The following SBF2 variants were observed in gnomAD, a reference collection of about 807,000 sequenced individuals.
SBF2 encodes the protein myotubularin-related protein 13.
In SBF2, 112 loss-of-function variants were observed where a neutral mutation model predicts 225.2. The observed-to-expected ratio is 0.50, with a 90% CI of 0.43 to 0.58. SBF2 has a LOEUF of 0.58. Among genes scored for constraint, SBF2 ranks in the 20% least tolerant of loss-of-function variants. The pLI is 0.00. For missense variants in SBF2, 1,996 were observed against 2,206.2 expected (o/e 0.90, Z 1.91); for synonymous variants, 763 against 773.3 (o/e 0.99, Z 0.22).
intron 16 of SBF2, among the ~76,000 whole-genome samples, chr11:9,940,849 A>T (rs992572154): frequency 5.3e-5 from 8 of 152,186 alleles, no homozygotes; most frequent in Non-Finnish European, 8.8e-5. Context: ...GAAATTAATT[A>T]GACAGAAAGC....
chr11:9,955,937 T>C (rs1866137314), intron 16 of SBF2, among the ~76,000 whole-genome samples: 1 of 152,140 alleles, frequency 6.6e-6, no homozygotes, highest in Admixed American at 6.5e-5. Context: ...GTATATAACA[T>C]GCACTTGAAT....
At chr11:9,882,436 A>G (rs1859847717) in intron 17 of SBF2, among the ~76,000 whole-genome samples, 1 of 152,210 alleles carries the variant, frequency 6.6e-6, no homozygotes, top group Admixed American at 6.5e-5. Context: ...GATATCTGTA[A>G]TATGTAATTT....
At chr11:10,299,867 ATG>A (rs1964578859) in intron 1 of SBF2, among the ~76,000 whole-genome samples, 1 of 152,354 alleles carries the variant, frequency 6.6e-6, no homozygotes, top group East Asian at 1.9e-4. Flanking sequence ...ATATCAGATC[ATG>A]TCTCTCCTGT....
chr11:10,195,656 T>C (rs1324717659), intron 1 of SBF2, among the ~76,000 whole-genome samples: 1 of 152,152 alleles, frequency 6.6e-6, no homozygotes, highest in African/African-American at 2.4e-5. Context: ...TAAACTGCAA[T>C]CAATTTACGG....
intron 1 of SBF2, among the ~76,000 whole-genome samples, chr11:10,228,595 T>C (rs1238152940): frequency 6.6e-6 from 1 of 152,212 alleles, no homozygotes; most frequent in Non-Finnish European, 1.5e-5. Flanking sequence ...TTTTTGTCTT[T>C]GGTTCTGTTT....
rs1274021187 is a variant in SBF2 at position 9,840,217 on chromosome 11, G to A, written c.3257-521C>T. 2.0e-5 allele frequency among the ~76,000 whole-genome samples: 3 copies of A among 148,692 alleles called. No individual in the cohort carries two copies. The South Asian group carries it at 6.4e-4, about 31-fold the overall frequency. On this transcript the variant is annotated intron_variant, in intron 25 of 39. Coordinates refer to ENST00000256190, the MANE Select transcript of SBF2 (RefSeq NM_030962.4). ...CCACTGCACTCCAGCCTGGGCAACC[G>A]AGCGAGACTTTGTCTCAAACCCCGC...
chr11:10,054,416 A>G (rs1227847866), intron 2 of SBF2, among the ~76,000 whole-genome samples: 1 of 152,236 alleles, frequency 6.6e-6, no homozygotes, highest in Non-Finnish European at 1.5e-5. Flanking sequence ...TATGTTCTCA[A>G]AGACAAAGGA....
chr11:10,048,063 C>T (rs1030471247), intron 2 of SBF2, among the ~76,000 whole-genome samples: 2 of 152,030 alleles, frequency 1.3e-5, no homozygotes, highest in Non-Finnish European at 2.9e-5. Context: ...AAAGAAAAGC[C>T]GACATCATTA....
intron 16 of SBF2, among the ~76,000 whole-genome samples, chr11:9,924,301 T>G (rs556335031): frequency 6.6e-6 from 1 of 152,232 alleles, no homozygotes; most frequent in South Asian, 2.1e-4. Flanking sequence ...CACTTTATTA[T>G]AAAATAGGCT....
At chr11:9,877,256 T>C (rs990063474) in intron 17 of SBF2, among the ~76,000 whole-genome samples, 4 of 152,180 alleles carry the variant, frequency 2.6e-5, no homozygotes, top group Non-Finnish European at 5.9e-5. Flanking sequence ...AATAATACTC[T>C]ACCGTTTTAT....
At chr11:10,036,125 G>A (rs1388127076) in intron 3 of SBF2, among the ~76,000 whole-genome samples, 1 of 152,156 alleles carries the variant, frequency 6.6e-6, no homozygotes, top group Non-Finnish European at 1.5e-5. Context: ...CATGGATGAA[G>A]CTGGAAACCA....
At position 9,820,645 on chromosome 11, in the gene SBF2, T is replaced by C. The variant is rs574163083; in HGVS notation, c.3794-3621A>G. 5.0e-4 allele frequency among the ~76,000 whole-genome samples: 76 copies of C among 152,292 alleles called. 1 individual carries two copies. Among genetic ancestry groups the C allele is most frequent in the African/African-American group, 1.6e-3 (68 of 41,574 alleles). On this transcript the variant is annotated intron_variant, in intron 28 of 39. Coordinates refer to ENST00000256190, the MANE Select transcript of SBF2 (RefSeq NM_030962.4). ...ACCTGACACATTCCTACTTAACCCT[T>C]AAGATCCAGATACAATATTAGCACC...
chr11:10,088,133 C>T (rs1951648203), intron 2 of SBF2, among the ~76,000 whole-genome samples: 1 of 151,980 alleles, frequency 6.6e-6, no homozygotes, highest in Non-Finnish European at 1.5e-5. Flanking sequence ...AGGTGATCCT[C>T]CCACCTCAGC....
chr11:10,034,053 A>C lies in SBF2; in HGVS notation c.280-2883T>G, dbSNP rs144878264. Among the ~76,000 whole-genome samples, 104 of 152,352 alleles carry C rather than the reference A, an allele frequency of 6.8e-4. 1 individual carries two copies. The highest frequency in any genetic ancestry group is 2.1e-3 in the African/African-American group (88 of 41,586). ...AATATTTTAAAGGCTTTGCCAACTT[A>C]AGATTATTTCTTCTCATTAAATTGG... On this transcript the variant is annotated intron_variant, in intron 3 of 39. Coordinates refer to ENST00000256190, the MANE Select transcript of SBF2 (RefSeq NM_030962.4).
At chr11:9,962,263 A>G (rs1866624216) in intron 15 of SBF2, among the ~76,000 whole-genome samples, 157 bp from the exon 16 acceptor site, 1 of 151,940 alleles carries the variant, frequency 6.6e-6, no homozygotes, top group African/African-American at 2.4e-5. Context: ...TATTATTAAG[A>G]CAATTATAAA....
At chr11:9,930,489 G>C (rs779720858) in intron 16 of SBF2, among the ~76,000 whole-genome samples, 9 of 152,178 alleles carry the variant, frequency 5.9e-5, no homozygotes, top group Non-Finnish European at 7.3e-5. Flanking sequence ...GAAGAGGGGA[G>C]AGTATCCTTT....
At chr11:9,871,736 C>T (rs1324421654) in intron 17 of SBF2, among the ~76,000 whole-genome samples, 1 of 152,038 alleles carries the variant, frequency 6.6e-6, no homozygotes, top group African/African-American at 2.4e-5. Context: ...CGTGAACCGC[C>T]TGCCTCAGCC....
chr11:10,007,617 G>C (rs903820715), intron 6 of SBF2, among the ~76,000 whole-genome samples: 2 of 152,154 alleles, frequency 1.3e-5, no homozygotes, highest in Non-Finnish European at 1.5e-5. Context: ...GCCATAGTCA[G>C]GCAGCCCCCT....
intron 2 of SBF2, among the ~76,000 whole-genome samples, chr11:10,067,643 TC>T (rs1950677788): frequency 1.3e-5 from 2 of 151,964 alleles, no homozygotes; most frequent in Admixed American, 1.3e-4. Flanking sequence ...ACCTATAATC[TC>T]AGCACCATGG....
Sources: gnomAD v4.1 joint callset for allele counts (sites outside exome capture counted in the v4.1 genomes callset) on GRCh38, gnomAD v4.1.1 for gene constraint, MANE v1.5 for transcripts, NCBI Gene and HGNC (gene_info 2026-07-23, HGNC 2026-07-21) for gene names.